Variants in C10orf143 observed in about 807,000 individuals in gnomAD.
C10orf143 encodes the protein chromosome 10 open reading frame 143, also known as uncharacterized protein C10orf143.
At chr10:130,110,671 C>G in intron 1 of C10orf143, 33 bp downstream of exon 1, 2 of 398,732 alleles carry the variant, frequency 5.0e-6, no homozygotes, top group Non-Finnish European at 8.8e-6. Flanking sequence ...CATCCGCCCT[C>G]CCGTCCCTAA....
chr10:130,060,825 A>G (rs1860849620), downstream of C10orf143, among the ~76,000 whole-genome samples: 2 of 130,624 alleles, frequency 1.5e-5, no homozygotes, highest in African/African-American at 6.7e-5. Flanking sequence ...TCCGTCTCAA[A>G]AAAAAAAAAA....
intron 3 of C10orf143, among the ~76,000 whole-genome samples, chr10:130,070,327 C>T (rs540765439): frequency 2.6e-5 from 4 of 152,318 alleles, no homozygotes; most frequent in African/African-American, 9.6e-5. Flanking sequence ...ATCGCACCCC[C>T]GGACCTGGTG....
At chr10:130,073,913 T>C (rs753809282) in intron 3 of C10orf143, among the ~76,000 whole-genome samples, 2 of 152,192 alleles carry the variant, frequency 1.3e-5, no homozygotes, top group Non-Finnish European at 2.9e-5. Flanking sequence ...CCATCTATTC[T>C]GGGATTCGTA....
intron 1 of C10orf143, among the ~76,000 whole-genome samples, chr10:130,101,865 C>CAAAAAAAAAAAAAAA (rs1267433489): frequency 1.5e-4 from 7 of 47,734 alleles, no homozygotes; most frequent in African/African-American, 2.6e-4. Context: ...AAAAAAAAAC[C>CAAAAAAAAAAAAAAA]AAAAAAAAAA....
chr10:130,085,424 T>G (rs767287085), intron 1 of C10orf143, among the ~76,000 whole-genome samples: 7 of 152,136 alleles, frequency 4.6e-5, no homozygotes, highest in Non-Finnish European at 8.8e-5. Context: ...ATGCGCACCC[T>G]GACTCTAATC....
At chr10:130,095,699 C>G (rs913576728) in intron 1 of C10orf143, among the ~76,000 whole-genome samples, 17 of 147,540 alleles carry the variant, frequency 1.2e-4, no homozygotes, top group African/African-American at 4.3e-4. Flanking sequence ...GGAAAGGACT[C>G]TCTATTTAAT....
chr10:130,047,836 A>G (rs1323481779), intron 3 of C10orf143, among the ~76,000 whole-genome samples: 1 of 117,498 alleles, frequency 8.5e-6, no homozygotes, highest in African/African-American at 3.2e-5. Context: ...ATAAAGACCC[A>G]CTGGAAACAT....
chr10:130,055,006 C>G (rs1020195368), intron 3 of C10orf143, among the ~76,000 whole-genome samples: 1 of 151,746 alleles, frequency 6.6e-6, no homozygotes, highest in Admixed American at 6.6e-5. Flanking sequence ...TATGCAAATA[C>G]AAAAGAATGA....
chr10:130,049,601 C>T (rs921444281), intron 3 of C10orf143, among the ~76,000 whole-genome samples: 2 of 152,140 alleles, frequency 1.3e-5, no homozygotes, highest in African/African-American at 4.8e-5. Context: ...CCGGTGGGTG[C>T]TCAAAGGTGG....
At chr10:130,107,403 C>T (rs1264590268) in intron 1 of C10orf143, 1 of 1,176,078 alleles carries the variant, frequency 8.5e-7, no homozygotes, top group Non-Finnish European at 1.3e-6. Context: ...CAGATTATTT[C>T]CCATGAGAAA....
intron 3 of C10orf143, among the ~76,000 whole-genome samples, chr10:130,073,573 C>T (rs1277435533): frequency 6.6e-6 from 1 of 151,916 alleles, no homozygotes; most frequent in Non-Finnish European, 1.5e-5. Context: ...GTCCCAACGG[C>T]ACTACTTTTG....
At chr10:130,067,879 T>C (rs1860962508) in intron 3 of C10orf143, 1 of 152,284 alleles carries the variant, frequency 6.6e-6, no homozygotes, top group Admixed American at 6.5e-5. Flanking sequence ...AGGAAACAGA[T>C]ACATGGGCGA....
intron 1 of C10orf143, chr10:130,108,022 C>G (rs2134824913): frequency 6.6e-7 from 1 of 1,506,124 alleles, no homozygotes; most frequent in East Asian, 2.3e-5. Context: ...AAATGGAATC[C>G]AGTAGAAATG....
chr10:130,090,263 G>C (rs893810620), intron 1 of C10orf143, among the ~76,000 whole-genome samples: 101 of 152,278 alleles, frequency 6.6e-4, no homozygotes, highest in Middle Eastern at 3.4e-3. Flanking sequence ...CCCATGGAGG[G>C]ACAACTGAAG....
chr10:130,064,168 C>G lies in C10orf143; in HGVS notation c.*186G>C. The stretch of plus-strand genomic sequence containing the variant: ...TGAAGTGATGTGGATTCTCCTGGCT[C>G]TCGTGCAGAGGATGGTGGATTTACT... On this transcript the variant is annotated 3_prime_UTR_variant, in exon 4 of 4. Transcript: ENST00000637128. The G allele has an allele frequency of 2.6e-6, 1 of 390,808 alleles. No homozygotes were observed. Among genetic ancestry groups the G allele is most frequent in the African/African-American group, 2.1e-5 (1 of 48,534 alleles). 24.2% of individuals were successfully genotyped at this position (390,808 alleles called of 1,614,324 possible).
intron 1 of C10orf143, among the ~76,000 whole-genome samples, chr10:130,100,372 A>T (rs897303036): frequency 1.3e-5 from 2 of 151,844 alleles, no homozygotes; most frequent in Non-Finnish European, 2.9e-5. Context: ...TCTACTAAAA[A>T]TACAAAAATT....
chr10:130,099,241 G>A (rs1861509554), intron 1 of C10orf143, among the ~76,000 whole-genome samples: 1 of 152,146 alleles, frequency 6.6e-6, no homozygotes, highest in African/African-American at 2.4e-5. Context: ...GAGTATAACA[G>A]ATAGTATAAT....
At chr10:130,108,603 A>G (rs1379817406) in intron 1 of C10orf143, 2 of 533,694 alleles carry the variant, frequency 3.7e-6, no homozygotes, top group African/African-American at 3.8e-5. Flanking sequence ...TGATTTAAAT[A>G]TGAATCTTAT....
chr10:130,067,735 T>C (rs1860960065), intron 3 of C10orf143: 1 of 152,192 alleles, frequency 6.6e-6, no homozygotes, highest in East Asian at 1.9e-4. Context: ...TGATGAAATG[T>C]CTTTAGAGCA....
Sources: gnomAD v4.1 joint callset for allele counts (sites outside exome capture counted in the v4.1 genomes callset) on GRCh38, gnomAD v4.1.1 for gene constraint, MANE v1.5 for transcripts, NCBI Gene and HGNC (gene_info 2026-07-23, HGNC 2026-07-21) for gene names.